TLK1: variants seen among roughly 807,000 people sequenced by gnomAD.
TLK1 encodes the protein tousled like kinase 1.
Under a neutral mutation model 105.3 loss-of-function variants are expected in TLK1, and 24 were observed. That is an observed-to-expected ratio of 0.23 (90% CI 0.17 to 0.32). The LOEUF is 0.32. Among genes scored for constraint, TLK1 ranks in the 10% least tolerant of loss-of-function variants. The probability of loss-of-function intolerance (pLI) is 1.00; values close to 1 mark genes in which losing one functional copy is unlikely to be tolerated. For missense variants in TLK1, 558 were observed against 910.5 expected (o/e 0.61, Z 4.98); for synonymous variants, 321 against 310.4 (o/e 1.03, Z -0.36).
chr2:171,012,173 G>A (rs1259350505), intron 13 of TLK1, among the ~76,000 whole-genome samples: 4 of 151,916 alleles, frequency 2.6e-5, no homozygotes, highest in Non-Finnish European at 4.4e-5. Context: ...ACCTTTGAAT[G>A]TCATGTCAGT....
chr2:171,019,724 G>GT (rs139131850), intron 12 of TLK1, among the ~76,000 whole-genome samples: 2 of 152,198 alleles, frequency 1.3e-5, no homozygotes, highest in Non-Finnish European at 2.9e-5. Flanking sequence ...TCTATTCACC[G>GT]TAACAACACT....
chr2:171,104,814 C>T (rs1232924250), intron 2 of TLK1, among the ~76,000 whole-genome samples: 1 of 152,164 alleles, frequency 6.6e-6, no homozygotes, highest in Admixed American at 6.5e-5. Context: ...TATAGAAATG[C>T]TACTACTTTT....
intron 2 of TLK1, among the ~76,000 whole-genome samples, chr2:171,114,796 C>G (rs1575605180): frequency 6.6e-6 from 1 of 152,018 alleles, no homozygotes; most frequent in African/African-American, 2.4e-5. Context: ...GATCATGCCA[C>G]TGCACTCCAG....
intron 1 of TLK1, among the ~76,000 whole-genome samples, chr2:171,191,402 C>A (rs1426883504): frequency 7.1e-6 from 1 of 141,156 alleles, no homozygotes; most frequent in Non-Finnish European, 1.5e-5. Context: ...GACCCACCAC[C>A]CCCCCCTCTA....
chr2:170,998,110 CACCT>C (rs1553602791), intron 18 of TLK1, among the ~76,000 whole-genome samples: 2 of 147,746 alleles, frequency 1.4e-5, no homozygotes, highest in African/African-American at 2.5e-5. Context: ...ACCTACCTAC[CACCT>C]ACCTACCTAC....
intron 2 of TLK1, among the ~76,000 whole-genome samples, chr2:171,085,270 T>C (rs1688919992): frequency 2.0e-5 from 3 of 151,952 alleles, no homozygotes; most frequent in Non-Finnish European, 4.4e-5. Context: ...ACACCTGTAA[T>C]TCCCAGATAC....
At chr2:171,193,700 A>T (rs113328812) in intron 1 of TLK1, among the ~76,000 whole-genome samples, 5,292 of 64,768 alleles carry the variant, frequency 0.082, 377 homozygotes, top group African/African-American at 0.18. Context: ...AGCGCCTGGC[A>T]TTTTTTTTTT....
At chr2:171,195,550 T>G (rs1039192367) in intron 1 of TLK1, among the ~76,000 whole-genome samples, 3 of 151,760 alleles carry the variant, frequency 2.0e-5, no homozygotes, top group Non-Finnish European at 2.9e-5. Context: ...AAGCTCTATA[T>G]TTGAATATAT....
At chr2:171,050,009 A>G in intron 9 of TLK1, 55 bp downstream of exon 9, 3 of 1,610,654 alleles carry the variant, frequency 1.9e-6, no homozygotes, top group East Asian at 2.2e-5. Context: ...AAAAGCATAC[A>G]AAGCAAAAGG....
chr2:171,021,940 A>T (rs1685530227), intron 12 of TLK1, among the ~76,000 whole-genome samples: 2 of 151,934 alleles, frequency 1.3e-5, no homozygotes, highest in Admixed American at 1.3e-4. Context: ...TCTACTAAAA[A>T]ATATATATAA....
chr2:171,091,484 A>G (rs1465149527), intron 2 of TLK1: 1 of 152,186 alleles, frequency 6.6e-6, no homozygotes, highest in East Asian at 1.9e-4. Context: ...CAATTTCATG[A>G]CAGCAACATA....
At chr2:171,038,749 T>C (rs1686500918) in intron 11 of TLK1, among the ~76,000 whole-genome samples, 1 of 152,206 alleles carries the variant, frequency 6.6e-6, no homozygotes, top group African/African-American at 2.4e-5. Context: ...AGGCTTGCTT[T>C]ATAACCAATT....
At chr2:171,058,425 CTAA>C (rs1318072361) in intron 4 of TLK1, among the ~76,000 whole-genome samples, 1 of 151,614 alleles carries the variant, frequency 6.6e-6, no homozygotes, top group Non-Finnish European at 1.5e-5. Flanking sequence ...TTAATAACTA[CTAA>C]TTTCAGAAAA....
chr2:171,083,603 T>C (rs1688842680), intron 2 of TLK1, among the ~76,000 whole-genome samples: 4 of 152,326 alleles, frequency 2.6e-5, no homozygotes, highest in African/African-American at 9.6e-5. Flanking sequence ...ATGTCAAAGA[T>C]GATGCAAGAA....
At chr2:171,225,320 G>A (rs547353599) in intron 1 of TLK1, among the ~76,000 whole-genome samples, 2 of 152,144 alleles carry the variant, frequency 1.3e-5, no homozygotes, top group African/African-American at 2.4e-5. Context: ...AACAGGCAAA[G>A]GATCTGCACA....
At chr2:171,006,372 T>A (rs1190000276) in intron 17 of TLK1, 90 bp from the exon 18 acceptor site, 5 of 1,476,182 alleles carry the variant, frequency 3.4e-6, no homozygotes, top group Middle Eastern at 1.8e-4. Flanking sequence ...TTTACTGATG[T>A]CTTACAAGAG....
At chr2:171,107,055 C>A (rs1689961233) in intron 2 of TLK1, among the ~76,000 whole-genome samples, 1 of 152,152 alleles carries the variant, frequency 6.6e-6, no homozygotes, top group Non-Finnish European at 1.5e-5. Flanking sequence ...ATTCCATTTA[C>A]CTCTCTTTGT....
intron 14 of TLK1, among the ~76,000 whole-genome samples, chr2:171,008,599 G>A (rs1199990334): frequency 2.0e-5 from 3 of 152,030 alleles, no homozygotes; most frequent in Admixed American, 6.6e-5. Flanking sequence ...GGTTAATATG[G>A]CAATCACTCA....
intron 2 of TLK1, among the ~76,000 whole-genome samples, chr2:171,105,730 G>A (rs1689895327): frequency 6.6e-6 from 1 of 151,976 alleles, no homozygotes; most frequent in African/African-American, 2.4e-5. Context: ...TAAGGATGCA[G>A]AGAAAGGGAA....
Sources: allele counts gnomAD v4.1 joint callset (sites outside exome capture counted in the v4.1 genomes callset), GRCh38; gene constraint gnomAD v4.1.1; transcripts MANE v1.5; gene names NCBI Gene and HGNC (gene_info 2026-07-23, HGNC 2026-07-21).